Variants in SLC12A6 observed in about 807,000 individuals in gnomAD.
SLC12A6 encodes the protein solute carrier family 12 member 6.
Under a neutral mutation model 135.3 loss-of-function variants are expected in SLC12A6, and 66 were observed. The observed-to-expected ratio is 0.49, with a 90% CI of 0.40 to 0.60. SLC12A6 has a LOEUF of 0.60. SLC12A6 is among the 20% of genes least tolerant of loss of function. The pLI, the probability that SLC12A6 is intolerant of heterozygous loss-of-function variation, is 0.00. For missense variants in SLC12A6, 1,058 were observed against 1,452.3 expected (o/e 0.73, Z 4.41); for synonymous variants, 513 against 508.8 (o/e 1.01, Z -0.11).
At chr15:34,333,589 A>G (rs1021384460) in intron 2 of SLC12A6, among the ~76,000 whole-genome samples, 3 of 152,058 alleles carry the variant, frequency 2.0e-5, no homozygotes, top group East Asian at 1.9e-4. Context: ...TTTCTTTTGT[A>G]TCTTTAAGGC....
intron 2 of SLC12A6, among the ~76,000 whole-genome samples, chr15:34,329,665 A>G (rs145487514): frequency 6.6e-4 from 101 of 152,260 alleles, no homozygotes; most frequent in African/African-American, 2.0e-3. Context: ...ATTTAATCAA[A>G]TATCTACAGC....
In SLC12A6 at chr15:34,230,673, C is replaced by T. The variant is rs937465064; in HGVS notation, c.*3208G>A. The T allele has an allele frequency of 6.6e-6, 1 of 152,620 alleles. No homozygotes were observed. Among genetic ancestry groups the T allele is most frequent in the African/African-American group, 2.4e-5 (1 of 41,436 alleles). The allele number at this position is 152,620 out of a possible 1,614,324, so 9.5% of individuals were successfully genotyped here. On this transcript the variant is annotated 3_prime_UTR_variant, in exon 26 of 26. Transcript: ENST00000354181. The stretch of plus-strand genomic sequence containing the variant: ...TGAAATAGCCCCTTCCCCTAAGGTG[C>T]ATTCTCTCAAGTTTTCAGTATTGCT...
chr15:34,332,261 A>C (rs1226781366), intron 2 of SLC12A6, among the ~76,000 whole-genome samples: 1 of 152,214 alleles, frequency 6.6e-6, no homozygotes, highest in Non-Finnish European at 1.5e-5. Flanking sequence ...TTTAACACCC[A>C]ACATCTTTAA....
chr15:34,284,213 C>T (rs556119522), intron 2 of SLC12A6, among the ~76,000 whole-genome samples: 2 of 150,784 alleles, frequency 1.3e-5, no homozygotes, highest in East Asian at 3.9e-4. Flanking sequence ...TGATATCTTA[C>T]GGAAAGAGAG....
Position 34,336,741 on chromosome 15 carries a change from A to AG in SLC12A6, c.-62dup. ...CCTCGCAAAATCTTCCTCTTACGCT[A>AG]GCTACTTTTGACTGCAATACAAAAG... On this transcript the variant is annotated 5_prime_UTR_variant, in exon 2 of 26. Transcript: ENST00000354181. 7.2e-7 allele frequency: 1 copy of AG among 1,394,944 alleles called. No homozygotes were observed. The allele number at this position is 1,394,944 out of a possible 1,614,324, so 86.4% of individuals were successfully genotyped here. A position where few individuals can be genotyped will look rare whatever the true frequency, so the allele number is the denominator to read the frequency against.
chr15:34,331,198 A>G (rs1209996187), intron 2 of SLC12A6, among the ~76,000 whole-genome samples: 5 of 152,184 alleles, frequency 3.3e-5, no homozygotes, highest in African/African-American at 7.2e-5. Flanking sequence ...TTTGAGACAG[A>G]GTCTCGCTCT....
Position 34,236,113 on chromosome 15 carries a change from C to G in SLC12A6, c.3129G>C (p.Glu1043Asp). The change falls in exon 24 of 26, where the codon GAG (glutamate) becomes GAC (aspartate). Residue 1043 changes from glutamate (E) to aspartate (D), a missense_variant. Physicochemically the swap from Glu to Asp is conservative, Grantham distance 45. Coordinates refer to ENST00000354181, the MANE Select transcript of SLC12A6 (RefSeq NM_001365088.1). ...DEDEETETYQ[E>D]KVHMTWTKDK... ...CTTTTGTCCAAGTCATGTGCACCTT[C>G]TCCTGATAGGTTTCTGTCTCTTCGT... is the stretch of plus-strand genomic sequence containing the variant. 5.6e-6 allele frequency: 9 copies of G among 1,613,528 alleles called. No homozygotes were observed. Among genetic ancestry groups the G allele is most frequent in the Non-Finnish European group, 7.6e-6 (9 of 1,179,394 alleles).
At chr15:34,298,672 G>C (rs984463323) in intron 2 of SLC12A6, among the ~76,000 whole-genome samples, 1 of 151,962 alleles carries the variant, frequency 6.6e-6, no homozygotes, top group African/African-American at 2.4e-5. Context: ...AAGAAGAAAA[G>C]AATCCTGTCA....
chr15:34,284,524 G>A (rs1456999230), intron 2 of SLC12A6, among the ~76,000 whole-genome samples: 4 of 151,734 alleles, frequency 2.6e-5, no homozygotes, highest in Non-Finnish European at 5.9e-5. Context: ...CACCTGCCTC[G>A]GCCTCCCAAA....
At chr15:34,301,043 A>G (rs1012471521) in intron 2 of SLC12A6, among the ~76,000 whole-genome samples, 2 of 152,054 alleles carry the variant, frequency 1.3e-5, no homozygotes, top group African/African-American at 4.8e-5. Context: ...ATCTCGGCTC[A>G]CTGCAACCTC....
intron 2 of SLC12A6, among the ~76,000 whole-genome samples, chr15:34,325,257 A>T (rs987237924): frequency 3.3e-5 from 5 of 152,216 alleles, no homozygotes; most frequent in Non-Finnish European, 5.9e-5. Flanking sequence ...TATCATATTC[A>T]GCAAACCCTC....
chr15:34,247,323 C>T (rs1253269361), intron 13 of SLC12A6, among the ~76,000 whole-genome samples: 1 of 152,072 alleles, frequency 6.6e-6, no homozygotes, highest in African/African-American at 2.4e-5. Context: ...CGAGACCATC[C>T]TGGCTAACAC....
At chr15:34,333,387 G>A (rs988085243) in intron 2 of SLC12A6, among the ~76,000 whole-genome samples, 19 of 151,976 alleles carry the variant, frequency 1.3e-4, no homozygotes, top group Non-Finnish European at 2.4e-4. Flanking sequence ...ACGCCGTCAC[G>A]CCTGGCTAAT....
chr15:34,304,068 T>C (rs897304636), intron 2 of SLC12A6, among the ~76,000 whole-genome samples: 1 of 152,126 alleles, frequency 6.6e-6, no homozygotes, highest in African/African-American at 2.4e-5. Context: ...CTAATCCCCA[T>C]CTCACTCTCC....
Position 34,231,357 on chromosome 15 carries a change from C to G in SLC12A6, c.*2524G>C. ...AGCCTGGGCAACAAGAGCGAAACTA[C>G]GTCTCGGAAAAAAAAAAAAAAGATA... On this transcript the variant is annotated 3_prime_UTR_variant, in exon 26 of 26. Coordinates refer to ENST00000354181, the MANE Select transcript of SLC12A6 (RefSeq NM_001365088.1). 7.5e-6 allele frequency: 1 copy of G among 132,952 alleles called. No homozygotes were observed. 8.2% of individuals were successfully genotyped at this position (132,952 alleles called of 1,614,324 possible). A position where few individuals can be genotyped will look rare whatever the true frequency, so the allele number is the denominator to read the frequency against.
At chr15:34,253,841 C>T (rs538423151) in intron 9 of SLC12A6, among the ~76,000 whole-genome samples, 46 of 152,250 alleles carry the variant, frequency 3.0e-4, no homozygotes, top group Middle Eastern at 3.4e-3. Flanking sequence ...TTAAAGTATT[C>T]GCACTAGGGA....
chr15:34,290,314 T>C (rs347810), intron 2 of SLC12A6, among the ~76,000 whole-genome samples: 65,971 of 152,046 alleles, frequency 0.43, 16,909 homozygotes, highest in African/African-American at 0.73. Context: ...ATCCTGAGTT[T>C]TAATTTGATT....
At chr15:34,266,824 C>T (rs1893556431) in intron 3 of SLC12A6, among the ~76,000 whole-genome samples, 1 of 152,192 alleles carries the variant, frequency 6.6e-6, no homozygotes, top group Admixed American at 6.5e-5. Context: ...TTTTAAACAA[C>T]ACAGTTTATC....
intron 2 of SLC12A6, among the ~76,000 whole-genome samples, chr15:34,310,331 G>A (rs1401336865): frequency 5.5e-5 from 7 of 127,616 alleles, no homozygotes; most frequent in East Asian, 2.3e-4. Flanking sequence ...GTGTGTCCCC[G>A]TGTCCAGGCT....
Sources: allele counts gnomAD v4.1 joint callset (sites outside exome capture counted in the v4.1 genomes callset), GRCh38; gene constraint gnomAD v4.1.1; transcripts MANE v1.5; gene names NCBI Gene and HGNC (gene_info 2026-07-23, HGNC 2026-07-21).